Variants in CDH2 observed in about 807,000 individuals in gnomAD.
CDH2 encodes the protein cadherin-2.
A neutral mutation model predicts 92.0 loss-of-function variants in CDH2; 17 were observed. That is an observed-to-expected ratio of 0.18 (90% confidence interval 0.13 to 0.28). The LOEUF (loss-of-function observed/expected upper bound fraction) is 0.28. Ranked by LOEUF, CDH2 falls within the 10% of genes least tolerant of loss-of-function variation. The pLI is 1.00. For missense variants in CDH2, 862 were observed against 1,133.1 expected (o/e 0.76, Z 3.44); for synonymous variants, 419 against 415.9 (o/e 1.01, Z -0.09).
At chr18:27,965,641 A>ACT (rs150689753) in intron 14 of CDH2, among the ~76,000 whole-genome samples, 206 of 152,304 alleles carry the variant, frequency 1.4e-3, no homozygotes, top group South Asian at 3.1e-3. Flanking sequence ...TTATTTACGG[A>ACT]ATATCTCAGA....
downstream of CDH2, among the ~76,000 whole-genome samples, chr18:27,946,682 G>A (rs566297391): frequency 6.6e-6 from 1 of 151,914 alleles, no homozygotes; most frequent in Non-Finnish European, 1.5e-5. Context: ...GACTAACGTT[G>A]AGCAAAATAT....
chr18:28,096,200 T>C (rs914982617), intron 2 of CDH2, among the ~76,000 whole-genome samples: 1 of 152,146 alleles, frequency 6.6e-6, no homozygotes, highest in Non-Finnish European at 1.5e-5. Context: ...CTTGGAATGA[T>C]TCCTGAAAGA....
At chr18:28,122,798 C>T (rs531609725) in intron 2 of CDH2, among the ~76,000 whole-genome samples, 1 of 152,180 alleles carries the variant, frequency 6.6e-6, no homozygotes, top group South Asian at 2.1e-4. Flanking sequence ...ACACTTATTG[C>T]CTATGAGTAT....
In CDH2 at chr18:28,105,941, A is replaced by AAT. The variant is rs1209073340; in HGVS notation, c.172+41730_172+41731dup. Among the ~76,000 whole-genome samples, 25 of 152,356 alleles carry AAT rather than the reference A, an allele frequency of 1.6e-4. 1 individual carries two copies. The highest frequency in any genetic ancestry group is 5.5e-4 in the African/African-American group (23 of 41,594). ...TTAATTGAGGATTTATTGTAAAAGC[A>AAT]ATAACCAGAAGTTGTAATAGATACG... On this transcript the variant is annotated intron_variant, in intron 2 of 15. Transcript: ENST00000269141.
intron 2 of CDH2, among the ~76,000 whole-genome samples, chr18:28,118,846 C>A (rs557603747): frequency 6.6e-6 from 1 of 152,120 alleles, no homozygotes; most frequent in South Asian, 2.1e-4. Flanking sequence ...GAACTCTGAA[C>A]TGCTTATGAA....
rs999835426 is a variant in CDH2, at chr18:27,944,070, C to T, written c.1152-10946G>A. 5.9e-5 allele frequency among the ~76,000 whole-genome samples: 9 copies of T among 151,956 alleles called. No individual in the cohort carries two copies. The South Asian group carries it at 1.2e-3, about 21-fold the overall frequency. On this transcript the variant is annotated intron_variant, in intron 6 of 6. Coordinates refer to the CDH2 transcript ENST00000675173. ...TAGTATCAGCCTCTGAATATAAAAG[C>T]GATTTAAAATGAAAATAAAAATATT... is the stretch of plus-strand genomic sequence containing the variant.
chr18:28,003,420 C>T (rs1287361314), intron 6 of CDH2, among the ~76,000 whole-genome samples: 1 of 152,190 alleles, frequency 6.6e-6, no homozygotes, highest in East Asian at 1.9e-4. Flanking sequence ...TTTTCCATAA[C>T]TTAGAAGATA....
chr18:28,133,190 T>C (rs572122265), intron 2 of CDH2, among the ~76,000 whole-genome samples: 44 of 152,320 alleles, frequency 2.9e-4, no homozygotes, highest in Admixed American at 5.9e-4. Flanking sequence ...AATGATATGC[T>C]TTCAGTAAAT....
At chr18:28,176,923 C>T in intron 1 of CDH2, 40 bp downstream of exon 1, 1 of 1,201,808 alleles carries the variant, frequency 8.3e-7, no homozygotes, top group Non-Finnish European at 1.0e-6. Flanking sequence ...CCGCCCGCCC[C>T]ACCCCGCCCG....
chr18:27,989,774 C>A (rs1001751540), intron 10 of CDH2, among the ~76,000 whole-genome samples: 1 of 152,000 alleles, frequency 6.6e-6, no homozygotes, highest in African/African-American at 2.4e-5. Context: ...AAGTTCCCTG[C>A]GGAACCTTTT....
chr18:28,053,531 G>A (rs556709466), intron 2 of CDH2, among the ~76,000 whole-genome samples: 3 of 152,196 alleles, frequency 2.0e-5, no homozygotes, highest in South Asian at 2.1e-4. Context: ...GTAACAACTC[G>A]CTGAGTTTTG....
At chr18:28,066,658 C>T (rs537147034) in intron 2 of CDH2, among the ~76,000 whole-genome samples, 4 of 151,822 alleles carry the variant, frequency 2.6e-5, no homozygotes, top group Admixed American at 2.0e-4. Context: ...ATAATGATTT[C>T]TATTATAGTC....
chr18:28,174,272 C>G (rs997158541), intron 1 of CDH2, among the ~76,000 whole-genome samples: 3 of 152,044 alleles, frequency 2.0e-5, no homozygotes, highest in Non-Finnish European at 4.4e-5. Flanking sequence ...AAAACCTAGA[C>G]TGTTAATAGC....
At chr18:28,075,095 T>A (rs2014693643) in intron 2 of CDH2, among the ~76,000 whole-genome samples, 1 of 152,196 alleles carries the variant, frequency 6.6e-6, no homozygotes, top group Non-Finnish European at 1.5e-5. Context: ...TTTGTTATTT[T>A]CTTTCAGCAC....
chr18:28,159,245 C>G (rs1338452275), intron 1 of CDH2: 1 of 152,202 alleles, frequency 6.6e-6, no homozygotes, highest in Non-Finnish European at 1.5e-5. Flanking sequence ...AGAAAAGAAG[C>G]TTGGTGATCT....
At chr18:28,107,328 G>A (rs1209929350) in intron 2 of CDH2, among the ~76,000 whole-genome samples, 1 of 152,008 alleles carries the variant, frequency 6.6e-6, no homozygotes, top group African/African-American at 2.4e-5. Flanking sequence ...CCAATACTGT[G>A]TTTAAAATGT....
At chr18:27,975,004 AC>A (rs1427482996) in intron 14 of CDH2, among the ~76,000 whole-genome samples, 2 of 152,194 alleles carry the variant, frequency 1.3e-5, no homozygotes, top group Non-Finnish European at 2.9e-5. Flanking sequence ...AAAACAAAAA[AC>A]AAAACACCCC....
intron 2 of CDH2, among the ~76,000 whole-genome samples, chr18:28,024,038 G>C (rs1241403878): frequency 6.6e-6 from 1 of 151,684 alleles, no homozygotes; most frequent in Admixed American, 6.6e-5. Context: ...TGATCATATA[G>C]TGCTGTATAT....
chr18:28,013,269 G>A (rs1231134588), intron 3 of CDH2, among the ~76,000 whole-genome samples: 1 of 152,052 alleles, frequency 6.6e-6, no homozygotes, highest in Non-Finnish European at 1.5e-5. Flanking sequence ...TAAGGGACAA[G>A]ACAAAAACCC....
Sources: gnomAD v4.1 joint callset for allele counts (sites outside exome capture counted in the v4.1 genomes callset) on GRCh38, gnomAD v4.1.1 for gene constraint, MANE v1.5 for transcripts, NCBI Gene and HGNC (gene_info 2026-07-23, HGNC 2026-07-21) for gene names.